Variants in KIAA0825 observed in about 807,000 individuals in gnomAD.
KIAA0825 encodes the protein KIAA0825.
Under a neutral mutation model 147.6 loss-of-function variants are expected in KIAA0825, and 119 were observed. That is an observed-to-expected ratio of 0.81 (90% confidence interval 0.69 to 0.94). The LOEUF is 0.94. KIAA0825 is among the 40% of genes least tolerant of loss of function. The pLI is 0.00. For missense variants in KIAA0825, 1,381 were observed against 1,472.7 expected (o/e 0.94, Z 1.02); for synonymous variants, 470 against 518.1 (o/e 0.91, Z 1.26).
intron 20 of KIAA0825, among the ~76,000 whole-genome samples, chr5:94,206,520 T>G (rs114238843): frequency 5.3e-5 from 8 of 152,238 alleles, no homozygotes; most frequent in African/African-American, 1.9e-4. Context: ...GGATACCTTG[T>G]ACAGGACAGA....
At chr5:94,171,927 T>A (rs775359081) in intron 20 of KIAA0825, among the ~76,000 whole-genome samples, 1 of 152,054 alleles carries the variant, frequency 6.6e-6, no homozygotes, top group Non-Finnish European at 1.5e-5. Context: ...TCCTAGTATA[T>A]GCAGAGAAAA....
intron 20 of KIAA0825, among the ~76,000 whole-genome samples, chr5:94,216,865 A>T (rs1443002524): frequency 6.6e-6 from 1 of 152,178 alleles, no homozygotes; most frequent in Admixed American, 6.5e-5. Flanking sequence ...TTAGATGAAA[A>T]TCCATATTTA....
At chr5:94,403,429 T>A (rs929403241) in intron 16 of KIAA0825, 140 bp downstream of exon 16, 57 of 621,944 alleles carry the variant, frequency 9.2e-5, no homozygotes, top group Non-Finnish European at 1.5e-4. Context: ...AAAATAAAAA[T>A]AAGGGTCGCA....
chr5:94,569,194 C>G lies in KIAA0825; in HGVS notation c.-2+13239G>C, dbSNP rs1333141370. 3 of 211,572 alleles carry G rather than the reference C, an allele frequency of 1.4e-5. No individual in the cohort carries two copies. The East Asian group carries it at 3.0e-4, about 21-fold the overall frequency. The allele number at this position is 211,572 out of a possible 1,614,324, so 13.1% of individuals were successfully genotyped here. Reference sequence around the variant, plus strand: ...TTCTATTGCTAATCCCACTAAAACACTTACCAAGACCTCAATCCCTGACCC... The same window carrying G: ...TTCTATTGCTAATCCCACTAAAACAGTTACCAAGACCTCAATCCCTGACCC... On this transcript the variant is annotated intron_variant, in intron 2 of 20. Coordinates refer to ENST00000682413, the MANE Select transcript of KIAA0825 (RefSeq NM_001145678.3).
chr5:94,232,271 T>G (rs1291823749), intron 20 of KIAA0825, among the ~76,000 whole-genome samples: 1 of 152,104 alleles, frequency 6.6e-6, no homozygotes, highest in African/African-American at 2.4e-5. Flanking sequence ...TTTTTCCATA[T>G]ATACCTTTGT....
chr5:94,190,259 C>T (rs1770548364), intron 20 of KIAA0825, among the ~76,000 whole-genome samples: 1 of 152,108 alleles, frequency 6.6e-6, no homozygotes, highest in African/African-American at 2.4e-5. Context: ...TATTCGCATG[C>T]TTTCTGTTTT....
Position 94,440,008 on chromosome 5 carries a change from A to G in KIAA0825, c.2471T>C (p.Leu824Ser). The G allele has an allele frequency of 6.4e-7, 1 of 1,551,758 alleles. No individual in the cohort carries two copies. Among genetic ancestry groups the G allele is most frequent in the South Asian group, 1.2e-5 (1 of 84,044 alleles). Residue 824 changes from leucine to serine, a missense_variant, in exon 14 of 21, where the codon TTA becomes TCA. Physicochemically the swap from Leu to Ser is moderately radical, Grantham distance 145. Transcript: ENST00000682413. ...TGAGCTCTTCAGCAAGATTCTCAGT[A>G]AAAGTCCATCATGATGCAGTAGGGT... ...LETLLHHDGLLLRILLKSSKQ... is the reference protein window; with the variant it reads ...LETLLHHDGLSLRILLKSSKQ...
chr5:94,282,243 A>G (rs1201602521), intron 20 of KIAA0825, among the ~76,000 whole-genome samples: 1 of 152,144 alleles, frequency 6.6e-6, no homozygotes, highest in Non-Finnish European at 1.5e-5. Context: ...CTAAGACAGT[A>G]TCAGATACAA....
At chr5:94,418,878 C>T (rs75522870) in intron 14 of KIAA0825, among the ~76,000 whole-genome samples, 2 of 151,782 alleles carry the variant, frequency 1.3e-5, no homozygotes, top group Non-Finnish European at 2.9e-5. Context: ...GCCCTCCCAC[C>T]CCCTTTTATT....
chr5:94,216,486 G>A (rs1314205227), intron 20 of KIAA0825, among the ~76,000 whole-genome samples: 1 of 152,150 alleles, frequency 6.6e-6, no homozygotes, highest in Non-Finnish European at 1.5e-5. Context: ...TTTTTAACAG[G>A]AGGAATCCAG....
chr5:94,551,702 T>C (rs1775572591), intron 2 of KIAA0825, among the ~76,000 whole-genome samples: 1 of 152,012 alleles, frequency 6.6e-6, no homozygotes, highest in South Asian at 2.1e-4. Context: ...TTATATTAAA[T>C]ACTTAAGGGA....
intron 20 of KIAA0825, among the ~76,000 whole-genome samples, chr5:94,351,477 A>G (rs1441399891): frequency 6.6e-6 from 1 of 152,240 alleles, no homozygotes; most frequent in Non-Finnish European, 1.5e-5. Flanking sequence ...ATGCTCATAG[A>G]TGGGTAGAAT....
rs182172163 is a variant in KIAA0825, at chr5:94,356,535, C to T, written c.3710+27833G>A. On this transcript the variant is annotated intron_variant, in intron 20 of 20. Coordinates refer to ENST00000682413, the MANE Select transcript of KIAA0825 (RefSeq NM_001145678.3). The stretch of plus-strand genomic sequence containing the variant: ...GCTGAGGCAGGAGAATGGCGTGCAC[C>T]CGGGAGGCGGACTTGCAGTGAGCCG... 8.2e-3 allele frequency among the ~76,000 whole-genome samples: 1,248 copies of T among 151,396 alleles called. 9 individuals are homozygous for T. The highest frequency in any genetic ancestry group is 0.027 in the Middle Eastern group (8 of 292).
intron 20 of KIAA0825, among the ~76,000 whole-genome samples, chr5:94,170,168 G>A (rs576721419): frequency 2.2e-4 from 33 of 152,166 alleles, no homozygotes; most frequent in Admixed American, 1.2e-3. Flanking sequence ...GCATGGTGGC[G>A]GGTGCCTGTA....
At chr5:94,329,919 G>C (rs1562384014) in intron 20 of KIAA0825, among the ~76,000 whole-genome samples, 1 of 152,146 alleles carries the variant, frequency 6.6e-6, no homozygotes, top group Non-Finnish European at 1.5e-5. Flanking sequence ...ATAGATAACA[G>C]ATACTGGGTG....
chr5:94,301,202 A>G (rs2150179833), intron 20 of KIAA0825, among the ~76,000 whole-genome samples: 1 of 152,248 alleles, frequency 6.6e-6, no homozygotes, highest in African/African-American at 2.4e-5. Flanking sequence ...GTAGAAAGAA[A>G]ACGTGTGTAA....
chr5:94,339,870 C>T (rs1371162770), intron 20 of KIAA0825, among the ~76,000 whole-genome samples: 1 of 152,096 alleles, frequency 6.6e-6, no homozygotes, highest in Non-Finnish European at 1.5e-5. Context: ...ACTAAATCTA[C>T]CTTATAAACT....
At chr5:94,411,480 A>T (rs1752759735) in intron 15 of KIAA0825, among the ~76,000 whole-genome samples, 1 of 152,228 alleles carries the variant, frequency 6.6e-6, no homozygotes, top group Admixed American at 6.5e-5. Flanking sequence ...GGAAAATTAC[A>T]TAGCCATATG....
At chr5:94,600,540 AT>A (rs1467006222) in intron 1 of KIAA0825, among the ~76,000 whole-genome samples, 1 of 152,094 alleles carries the variant, frequency 6.6e-6, no homozygotes, top group Non-Finnish European at 1.5e-5. Context: ...AAAGAGAAGG[AT>A]TATGTCTCTT....
Sources: allele counts gnomAD v4.1 joint callset (sites outside exome capture counted in the v4.1 genomes callset), GRCh38; gene constraint gnomAD v4.1.1; transcripts MANE v1.5; gene names NCBI Gene and HGNC (gene_info 2026-07-23, HGNC 2026-07-21).